PRR16: variants seen among roughly 807,000 people sequenced by gnomAD.
PRR16 encodes the protein proline rich 16.
In PRR16, 6 loss-of-function variants were observed where a neutral mutation model predicts 18.2. The observed-to-expected ratio is 0.33, with a 90% CI of 0.18 to 0.65. PRR16 has a LOEUF of 0.65. Among genes scored for constraint, PRR16 ranks in the 30% least tolerant of loss-of-function variants. PRR16 has a pLI of 0.74. For missense variants in PRR16, 412 were observed against 376.6 expected (o/e 1.09, Z -0.78); for synonymous variants, 151 against 147.8 (o/e 1.02, Z -0.16).
At chr5:120,705,538 C>T in the PRR16 span, among the ~76,000 whole-genome samples, 1 of 151,974 alleles carries the variant, frequency 6.6e-6, no homozygotes, top group Non-Finnish European at 1.5e-5. Context: ...ATTTTCTGTT[C>T]ATTATGTTTT....
chr5:120,746,432 A>AT, the PRR16 span, among the ~76,000 whole-genome samples: 2 of 151,356 alleles, frequency 1.3e-5, no homozygotes, highest in Admixed American at 6.6e-5. Context: ...GAACTCAGAG[A>AT]TTTTTTTTTT....
rs1750829532 is a variant in PRR16, at chr5:120,511,612, A to G, written c.159+46967A>G. ...CTACTGTCACTGCTTATGGTAGATT[A>G]ATTCAGTATTTAAAGAACTCAGATC... On this transcript the variant is annotated intron_variant, in intron 1 of 1. Coordinates refer to ENST00000407149, the MANE Select transcript of PRR16 (RefSeq NM_001300783.2). Among the ~76,000 whole-genome samples the G allele has an allele frequency of 4.6e-5, 7 of 152,146 alleles. 1 individual carries two copies. The South Asian group carries it at 1.5e-3, about 32-fold the overall frequency.
chr5:120,743,276 T>G, the PRR16 span, among the ~76,000 whole-genome samples: 31 of 152,298 alleles, frequency 2.0e-4, no homozygotes, highest in African/African-American at 7.5e-4. Flanking sequence ...TTTAAATAAA[T>G]TCAGTGTTCC....
At chr5:120,724,390 T>G in the PRR16 span, among the ~76,000 whole-genome samples, 1 of 152,122 alleles carries the variant, frequency 6.6e-6, no homozygotes, top group African/African-American at 2.4e-5. Flanking sequence ...TTTAGATTCC[T>G]CATCTGTAAA....
In PRR16 at chr5:120,538,243, G is replaced by C. The variant is rs1751792851; in HGVS notation, c.159+73598G>C. Among the ~76,000 whole-genome samples the C allele has an allele frequency of 4.6e-5, 7 of 152,238 alleles. No homozygotes were observed. In the South Asian group the frequency reaches 1.0e-3, roughly 23 times the overall value. ...TTGTTTCCATTTTAAATTTGAACAAGATATTTCTACCATCCTCTTTCAAGC... is the reference window on the plus strand; with the variant it reads ...TTGTTTCCATTTTAAATTTGAACAACATATTTCTACCATCCTCTTTCAAGC... On this transcript the variant is annotated intron_variant, in intron 1 of 1. Transcript: ENST00000407149.
At chr5:120,566,462 T>C (rs1026648360) in intron 1 of PRR16, among the ~76,000 whole-genome samples, 2 of 152,250 alleles carry the variant, frequency 1.3e-5, no homozygotes, top group Non-Finnish European at 2.9e-5. Context: ...TGAATCTTGT[T>C]GAGCTTTATG....
At chr5:120,553,808 T>C (rs1042987415) in intron 1 of PRR16, among the ~76,000 whole-genome samples, 3 of 151,876 alleles carry the variant, frequency 2.0e-5, no homozygotes, top group African/African-American at 7.2e-5. Flanking sequence ...GGTATATTAT[T>C]ACCAATGGAA....
chr5:120,733,728 A>G, the PRR16 span, among the ~76,000 whole-genome samples: 1 of 152,262 alleles, frequency 6.6e-6, no homozygotes, highest in African/African-American at 2.4e-5. Flanking sequence ...CTGATTACCT[A>G]GCCTTTCCAC....
intron 1 of PRR16, among the ~76,000 whole-genome samples, chr5:120,555,829 T>TTTTA (rs1561544239): frequency 1.4e-5 from 2 of 138,050 alleles, no homozygotes; most frequent in Non-Finnish European, 1.5e-5. Context: ...TTTGAGTTTC[T>TTTTA]AAAAAAAAAA....
chr5:120,699,836 C>T, the PRR16 span, among the ~76,000 whole-genome samples: 4 of 152,132 alleles, frequency 2.6e-5, no homozygotes, highest in African/African-American at 9.7e-5. Flanking sequence ...TTTGAGAGAT[C>T]AGTCAGACAA....
the PRR16 span, among the ~76,000 whole-genome samples, chr5:120,752,831 A>G: frequency 6.6e-6 from 1 of 151,936 alleles, no homozygotes; most frequent in African/African-American, 2.4e-5. Flanking sequence ...ATGGAAAATG[A>G]AAAAATGAAA....
chr5:120,656,621 T>C lies in PRR16; in HGVS notation c.160-29333T>C, dbSNP rs376665004. Among the ~76,000 whole-genome samples the C allele has an allele frequency of 2.2e-4, 34 of 152,090 alleles. 1 individual carries two copies. In the East Asian group the frequency reaches 6.2e-3, roughly 28 times the overall value. On this transcript the variant is annotated intron_variant, in intron 1 of 1. Transcript: ENST00000407149. ...AAAAGCACACATTTCAGTTAACATA[T>C]TTATGTACACCTTGCCAAAGTAGCT...
chr5:120,469,496 ATT>A lies in PRR16; in HGVS notation c.159+4863_159+4864del, dbSNP rs112912445. ...CGCCGCCATGCCTGGCTAATTTTTA[ATT>A]TTTTTTTTTTTGATAGAGATGGTGT... is the stretch of plus-strand genomic sequence containing the variant. On this transcript the variant is annotated intron_variant, in intron 1 of 1. Transcript: ENST00000407149. 9.1e-4 allele frequency among the ~76,000 whole-genome samples: 134 copies of A among 146,968 alleles called. 2 individuals are homozygous for A. The highest frequency in any genetic ancestry group is 1.7e-3 in the South Asian group (8 of 4,678).
At chr5:120,512,576 G>A (rs1230466590) in intron 1 of PRR16, among the ~76,000 whole-genome samples, 4 of 152,132 alleles carry the variant, frequency 2.6e-5, no homozygotes, top group African/African-American at 9.7e-5. Flanking sequence ...TTTCCTACCT[G>A]TGACAAGAAT....
chr5:120,471,426 C>A (rs929969324), intron 1 of PRR16, among the ~76,000 whole-genome samples: 2 of 152,052 alleles, frequency 1.3e-5, no homozygotes, highest in Non-Finnish European at 2.9e-5. Flanking sequence ...AGAAGAGAGG[C>A]ACTATCCTTA....
intron 1 of PRR16, among the ~76,000 whole-genome samples, chr5:120,501,975 A>T (rs967561418): frequency 6.7e-6 from 1 of 150,188 alleles, no homozygotes; most frequent in Admixed American, 6.6e-5. Flanking sequence ...AAAAAAAAAA[A>T]AAAAAAAGAA....
the PRR16 span, among the ~76,000 whole-genome samples, chr5:120,725,796 A>G: frequency 6.6e-6 from 1 of 152,076 alleles, no homozygotes; most frequent in Non-Finnish European, 1.5e-5. Context: ...TAAAAAATAA[A>G]ATACTGGGTA....
intron 1 of PRR16, among the ~76,000 whole-genome samples, chr5:120,561,910 A>G (rs1363215049): frequency 6.6e-6 from 1 of 152,182 alleles, no homozygotes. Context: ...CTGTAAGCCT[A>G]TTAAACCTCT....
At chr5:120,753,864 TATA>T in the PRR16 span, among the ~76,000 whole-genome samples, 1 of 62,384 alleles carries the variant, frequency 1.6e-5, no homozygotes, top group Non-Finnish European at 2.9e-5. Context: ...TATAATATCT[TATA>T]TATTATATAT....
Sources: allele counts gnomAD v4.1 joint callset (sites outside exome capture counted in the v4.1 genomes callset), GRCh38; gene constraint gnomAD v4.1.1; transcripts MANE v1.5; gene names NCBI Gene and HGNC (gene_info 2026-07-23, HGNC 2026-07-21).